Variants in STXBP6 observed in about 807,000 individuals in gnomAD.
The protein encoded by STXBP6 is syntaxin-binding protein 6.
A neutral mutation model predicts 26.9 loss-of-function variants in STXBP6; 21 were observed. The ratio of observed to expected loss-of-function variants is 0.78; its 90% CI spans 0.55 to 1.12. The LOEUF (loss-of-function observed/expected upper bound fraction) is 1.12. Ranked by LOEUF, STXBP6 falls within the 50% of genes most tolerant of loss-of-function variation. The probability of loss-of-function intolerance (pLI) is 0.00; values close to 1 mark genes in which losing one functional copy is unlikely to be tolerated. For missense variants in STXBP6, 232 were observed against 257.9 expected, an observed-to-expected ratio of 0.90 and a Z score of 0.69; for synonymous variants, 97 against 92.6, an observed-to-expected ratio of 1.05 and a Z score of -0.27.
At chr14:24,982,106 T>G (rs889595249) in intron 1 of STXBP6, among the ~76,000 whole-genome samples, 5 of 152,214 alleles carry the variant, frequency 3.3e-5, no homozygotes, top group African/African-American at 1.2e-4. Flanking sequence ...GTCTTCGTAC[T>G]CCACTAAAAT....
At chr14:25,018,050 C>T (rs2075188668) in intron 1 of STXBP6, among the ~76,000 whole-genome samples, 2 of 152,182 alleles carry the variant, frequency 1.3e-5, no homozygotes, top group African/African-American at 2.4e-5. Context: ...TACACTGCCC[C>T]CCTGCTCAGC....
intron 4 of STXBP6, among the ~76,000 whole-genome samples, chr14:24,836,606 CAAAA>C (rs71449215): frequency 2.3e-5 from 1 of 44,314 alleles, no homozygotes. Context: ...GACTCCCTCT[CAAAA>C]AAAAAAAAAA....
rs896056231 is a variant in STXBP6, at chr14:24,809,605, C to T, written c.*3104G>A. The T allele has an allele frequency of 6.6e-6, 1 of 152,138 alleles. No individual in the cohort carries two copies. The highest frequency in any genetic ancestry group is 1.5e-5 in the Non-Finnish European group (1 of 68,016). The allele number at this position is 152,138 out of a possible 1,614,324, so 9.4% of individuals were successfully genotyped here. A position where few individuals can be genotyped will look rare whatever the true frequency, so the allele number is the denominator to read the frequency against. ...AGCATAAAAAATGTGGTGACATGTACTTATTTGGTAGTGTTTTATAGAGTT... is the reference window on the plus strand; with the variant it reads ...AGCATAAAAAATGTGGTGACATGTATTTATTTGGTAGTGTTTTATAGAGTT... On this transcript the variant is annotated 3_prime_UTR_variant, in exon 6 of 6. Coordinates refer to ENST00000323944, the MANE Select transcript of STXBP6 (RefSeq NM_001394410.1).
intron 1 of STXBP6, among the ~76,000 whole-genome samples, chr14:25,027,728 C>T (rs7147250): frequency 0.32 from 48,041 of 152,190 alleles, 9,177 homozygotes; most frequent in African/African-American, 0.54. Flanking sequence ...AAAGCCAGGA[C>T]AGGCTGAAAG....
chr14:24,859,661 C>T (rs854333), intron 2 of STXBP6, among the ~76,000 whole-genome samples: 94,404 of 151,958 alleles, frequency 0.62, 30,336 homozygotes, highest in Admixed American at 0.72. Flanking sequence ...GACAGTACAC[C>T]CTGGAAAATG....
intron 1 of STXBP6, among the ~76,000 whole-genome samples, chr14:25,025,267 T>C (rs553469493): frequency 2.6e-5 from 4 of 152,118 alleles, no homozygotes; most frequent in African/African-American, 9.6e-5. Context: ...TAAGTGCACA[T>C]AATGAGATAT....
chr14:25,009,277 C>A (rs575432336), intron 1 of STXBP6, among the ~76,000 whole-genome samples: 2 of 152,234 alleles, frequency 1.3e-5, no homozygotes, highest in East Asian at 3.9e-4. Flanking sequence ...ATCTGATGTT[C>A]TAAAACCTAA....
chr14:24,820,233 A>G (rs570311524), intron 4 of STXBP6, among the ~76,000 whole-genome samples: 20 of 152,334 alleles, frequency 1.3e-4, no homozygotes, highest in African/African-American at 4.8e-4. Flanking sequence ...CCTGGGATGG[A>G]TACATCTAGC....
At position 24,866,229 on chromosome 14, in the gene STXBP6, C is replaced by T. The variant is rs547694457; in HGVS notation, c.155-9072G>A. On this transcript the variant is annotated intron_variant, in intron 2 of 5. Transcript: ENST00000323944. ...ATCCTGCTGGTAGAAGGCCTTTGGA[C>T]TTGTACTGCAATACTGGCTCCTTCT... is the stretch of plus-strand genomic sequence containing the variant. Among the ~76,000 whole-genome samples, 14 of 152,238 alleles carry T rather than the reference C, an allele frequency of 9.2e-5. No individual in the cohort carries two copies. The East Asian group carries it at 2.3e-3, about 25-fold the overall frequency.
At chr14:24,993,345 C>T (rs1464300582) in intron 1 of STXBP6, among the ~76,000 whole-genome samples, 1 of 152,182 alleles carries the variant, frequency 6.6e-6, no homozygotes, top group Admixed American at 6.5e-5. Flanking sequence ...ATCCCTCTCC[C>T]TCCTTTATTC....
At chr14:24,894,792 G>A (rs1000242954) in intron 2 of STXBP6, among the ~76,000 whole-genome samples, 9 of 152,146 alleles carry the variant, frequency 5.9e-5, no homozygotes, top group Admixed American at 5.2e-4. Context: ...GCTAGCAGAC[G>A]AAAGGCTCAT....
intron 5 of STXBP6, chr14:24,816,200 A>C (rs1471496648): frequency 1.3e-5 from 2 of 152,030 alleles, no homozygotes; most frequent in African/African-American, 4.8e-5. Context: ...TCTGGCCCCC[A>C]CTTGTAAGCA....
intron 2 of STXBP6, among the ~76,000 whole-genome samples, chr14:24,892,829 G>A (rs1358722552): frequency 6.6e-6 from 1 of 152,214 alleles, no homozygotes; most frequent in Non-Finnish European, 1.5e-5. Context: ...AGCAGGAGCA[G>A]GGGCTTGGGC....
chr14:24,974,049 T>C (rs1300462866), intron 2 of STXBP6, among the ~76,000 whole-genome samples: 1 of 151,572 alleles, frequency 6.6e-6, no homozygotes, highest in Non-Finnish European at 1.5e-5. Flanking sequence ...AAAATCTTAA[T>C]ACGAATCCAT....
chr14:25,041,579 T>C (rs1272412677), intron 1 of STXBP6, among the ~76,000 whole-genome samples: 4 of 152,130 alleles, frequency 2.6e-5, no homozygotes, highest in Non-Finnish European at 5.9e-5. Flanking sequence ...CTAGGCAGCC[T>C]ACAAACAAAA....
chr14:24,916,267 G>A (rs2071761981), intron 2 of STXBP6, among the ~76,000 whole-genome samples: 1 of 152,078 alleles, frequency 6.6e-6, no homozygotes. Flanking sequence ...GGTAGAGAAG[G>A]CTCAACTCAT....
chr14:25,010,913 T>C (rs1465439114), intron 1 of STXBP6, among the ~76,000 whole-genome samples: 2 of 152,170 alleles, frequency 1.3e-5, no homozygotes, highest in African/African-American at 4.8e-5. Context: ...CTTTACATAC[T>C]GACTTTCTGT....
At chr14:24,976,994 C>G (rs1467567898) in intron 1 of STXBP6, among the ~76,000 whole-genome samples, 1 of 151,260 alleles carries the variant, frequency 6.6e-6, no homozygotes, top group African/African-American at 2.4e-5. Flanking sequence ...TCCCCAGTAG[C>G]TGTGATTACA....
intron 2 of STXBP6, among the ~76,000 whole-genome samples, chr14:24,901,325 C>T (rs1056140223): frequency 1.3e-5 from 2 of 151,242 alleles, no homozygotes; most frequent in African/African-American, 4.8e-5. Flanking sequence ...TGGATTTCTA[C>T]AACATACCCA....
Sources: gnomAD v4.1 joint callset for allele counts (sites outside exome capture counted in the v4.1 genomes callset) on GRCh38, gnomAD v4.1.1 for gene constraint, MANE v1.5 for transcripts, NCBI Gene and HGNC (gene_info 2026-07-23, HGNC 2026-07-21) for gene names.